TMEM184B: variants seen among roughly 807,000 people sequenced by gnomAD.
TMEM184B encodes the protein putative MAPK-activating protein FM08.
A neutral mutation model predicts 41.8 loss-of-function variants in TMEM184B; 17 were observed. The observed-to-expected ratio is 0.41, with a 90% CI of 0.28 to 0.61. The LOEUF (loss-of-function observed/expected upper bound fraction) is 0.61, where lower values mean the gene tolerates loss of function less well. Ranked by LOEUF, TMEM184B falls within the 20% of genes least tolerant of loss-of-function variation. The pLI, the probability that TMEM184B is intolerant of heterozygous loss-of-function variation, is 0.34. For synonymous variants in TMEM184B, 240 were observed against 229.5 expected, an observed-to-expected ratio of 1.05 and a Z score of -0.41; for missense variants, 393 against 557.8, an observed-to-expected ratio of 0.70 and a Z score of 2.98.
At chr22:38,244,237 T>C (rs1239775350) in intron 3 of TMEM184B, among the ~76,000 whole-genome samples, 1 of 152,050 alleles carries the variant, frequency 6.6e-6, no homozygotes, top group Non-Finnish European at 1.5e-5. Context: ...CTCCAGCTGC[T>C]TGGGGGATGA....
rs1744021754 is a variant in TMEM184B at position 38,221,166 on chromosome 22, G to T, written c.*303C>A. The T allele has an allele frequency of 1.8e-5, 22 of 1,224,744 alleles. No individual in the cohort carries two copies. In the South Asian group the frequency reaches 4.7e-4, roughly 26 times the overall value. The allele number at this position is 1,224,744 out of a possible 1,614,324, so 75.9% of individuals were successfully genotyped here. The stretch of plus-strand genomic sequence containing the variant: ...CACACACAAGCATTGGGGCCTGGGT[G>T]CGGCTGGTCCCAGCATGCCCCCAGC... On this transcript the variant is annotated 3_prime_UTR_variant, in exon 9 of 9. Transcript: ENST00000361906.
chr22:38,231,115 G>A, intron 4 of TMEM184B, 129 bp downstream of exon 4: 1 of 821,246 alleles, frequency 1.2e-6, no homozygotes, highest in Non-Finnish European at 2.1e-6. Context: ...CTCAGGAAAT[G>A]TGGTGAGGCA....
Position 38,220,648 on chromosome 22 carries a change from T to C in TMEM184B, c.*821A>G. On this transcript the variant is annotated 3_prime_UTR_variant, in exon 9 of 9. Transcript: ENST00000361906. ...CCTGGGAAGGAGGGCTGGGAGCCCC[T>C]GAGCCCTGAAGCAGCCAGGAAGCAA... is the stretch of plus-strand genomic sequence containing the variant. The C allele has an allele frequency of 1.0e-6, 1 of 986,234 alleles. No individual in the cohort carries two copies. Among genetic ancestry groups the C allele is most frequent in the South Asian group, 4.7e-5 (1 of 21,294 alleles). The allele number at this position is 986,234 out of a possible 1,614,324, so 61.1% of individuals were successfully genotyped here. A position where few individuals can be genotyped will look rare whatever the true frequency, so the allele number is the denominator to read the frequency against.
chr22:38,271,046 A>T (rs1257240867), intron 1 of TMEM184B, among the ~76,000 whole-genome samples: 1 of 152,190 alleles, frequency 6.6e-6, no homozygotes, highest in Non-Finnish European at 1.5e-5. Flanking sequence ...GGGCTCTTTG[A>T]ATAACCCACC....
At position 38,221,049 on chromosome 22, in the gene TMEM184B, G is replaced by A. The variant is rs1018692565; in HGVS notation, c.*420C>T. The A allele has an allele frequency of 2.1e-5, 22 of 1,036,986 alleles. No homozygotes were observed. In the African/African-American group the frequency reaches 3.6e-4, roughly 17 times the overall value. The allele number at this position is 1,036,986 out of a possible 1,614,324, so 64.2% of individuals were successfully genotyped here. On this transcript the variant is annotated 3_prime_UTR_variant, in exon 9 of 9. Transcript: ENST00000361906. ...GCGGGAAGAGCCCAGGTCAGACAGG[G>A]TATTGCACGGTGTGTGGGGGAGCCA...
chr22:38,266,025 C>T (rs529216376), intron 1 of TMEM184B, among the ~76,000 whole-genome samples: 30 of 152,338 alleles, frequency 2.0e-4, no homozygotes, highest in African/African-American at 7.0e-4. Context: ...CCAAGCTCCA[C>T]ACACGTCCCT....
At chr22:38,257,210 A>T (rs1400570210) in intron 1 of TMEM184B, among the ~76,000 whole-genome samples, 2 of 152,056 alleles carry the variant, frequency 1.3e-5, no homozygotes, top group African/African-American at 2.4e-5. Context: ...AAGCTACGTA[A>T]CAGAATTTTC....
intron 1 of TMEM184B, among the ~76,000 whole-genome samples, chr22:38,262,696 C>A (rs116672222): frequency 0.01 from 1,596 of 152,292 alleles, 34 homozygotes; most frequent in African/African-American, 0.037. Flanking sequence ...CCAGAGAGGG[C>A]TCCATCTCTC....
intron 5 of TMEM184B, among the ~76,000 whole-genome samples, chr22:38,227,903 T>C (rs1364462497): frequency 6.6e-6 from 1 of 152,134 alleles, no homozygotes; most frequent in African/African-American, 2.4e-5. Context: ...ATAACATCAC[T>C]AGTATCACCA....
chr22:38,270,421 C>A (rs2092505242), intron 1 of TMEM184B, among the ~76,000 whole-genome samples: 1 of 152,264 alleles, frequency 6.6e-6, no homozygotes, highest in Non-Finnish European at 1.5e-5. Context: ...CTGTGCCTGG[C>A]ACACAGTAAG....
In TMEM184B at chr22:38,219,585, G is replaced by A. The variant is rs904826864; in HGVS notation, c.*1884C>T. 11 of 984,974 alleles carry A rather than the reference G, an allele frequency of 1.1e-5. No individual in the cohort carries two copies. Among genetic ancestry groups the A allele is most frequent in the East Asian group, 2.3e-4 (2 of 8,816 alleles). The allele number at this position is 984,974 out of a possible 1,614,324, so 61.0% of individuals were successfully genotyped here. A position where few individuals can be genotyped will look rare whatever the true frequency, so the allele number is the denominator to read the frequency against. On this transcript the variant is annotated 3_prime_UTR_variant, in exon 9 of 9. Coordinates refer to ENST00000361906, the MANE Select transcript of TMEM184B (RefSeq NM_012264.5). ...CCTAAGGAGGAGGAGGGGATGGAGC[G>A]GTCGGGCACATGTTCCCGTCCCCAC...
At chr22:38,229,541 G>A (rs1037709410) in intron 5 of TMEM184B, among the ~76,000 whole-genome samples, 2 of 152,226 alleles carry the variant, frequency 1.3e-5, no homozygotes, top group African/African-American at 2.4e-5. Flanking sequence ...CACACTGAGC[G>A]ACCCCACCAC....
downstream of TMEM184B, among the ~76,000 whole-genome samples, chr22:38,217,720 T>G (rs1333141652): frequency 2.7e-5 from 4 of 148,348 alleles, no homozygotes; most frequent in East Asian, 5.9e-4. Context: ...TCCTGGCTAC[T>G]CAGGAGGTTG....
At chr22:38,262,409 G>A (rs536558133) in intron 1 of TMEM184B, among the ~76,000 whole-genome samples, 4 of 152,316 alleles carry the variant, frequency 2.6e-5, no homozygotes, top group East Asian at 3.9e-4. Flanking sequence ...ACCTGGGCAC[G>A]TGGAGACTGC....
intron 1 of TMEM184B, among the ~76,000 whole-genome samples, chr22:38,251,647 A>T (rs1190727767): frequency 6.6e-6 from 1 of 152,180 alleles, no homozygotes; most frequent in East Asian, 1.9e-4. Context: ...TGACCCTTTC[A>T]CACTCTGTAC....
Position 38,220,275 on chromosome 22 carries a change from G to A in TMEM184B, c.*1194C>T. The A allele has an allele frequency of 2.0e-6, 2 of 985,910 alleles. No homozygotes were observed. The highest frequency in any genetic ancestry group is 2.4e-6 in the Non-Finnish European group (2 of 830,014). The allele number at this position is 985,910 out of a possible 1,614,324, so 61.1% of individuals were successfully genotyped here. A position where few individuals can be genotyped will look rare whatever the true frequency, so the allele number is the denominator to read the frequency against. Reference sequence around the variant, plus strand: ...TCCTGAGGCCTGTCCAAGGGCTCTGGGCCCAGCACTGCAGGATCCTGCGAG... The same window carrying A: ...TCCTGAGGCCTGTCCAAGGGCTCTGAGCCCAGCACTGCAGGATCCTGCGAG... On this transcript the variant is annotated 3_prime_UTR_variant, in exon 9 of 9. Coordinates refer to ENST00000361906, the MANE Select transcript of TMEM184B (RefSeq NM_012264.5).
intron 3 of TMEM184B, among the ~76,000 whole-genome samples, chr22:38,232,817 C>T (rs1055633709): frequency 2.6e-5 from 4 of 152,222 alleles, no homozygotes; most frequent in Admixed American, 6.5e-5. Flanking sequence ...GTTCTCTTAT[C>T]CTTCGGTGCT....
At chr22:38,238,788 G>T (rs902845648) in intron 3 of TMEM184B, among the ~76,000 whole-genome samples, 3 of 152,194 alleles carry the variant, frequency 2.0e-5, no homozygotes, top group African/African-American at 7.2e-5. Context: ...CAGAGCCCTA[G>T]GATTCAGAGA....
chr22:38,243,793 A>G (rs1226640133), intron 3 of TMEM184B, among the ~76,000 whole-genome samples: 1 of 152,182 alleles, frequency 6.6e-6, no homozygotes, highest in African/African-American at 2.4e-5. Context: ...TATTCATCCA[A>G]AAGGGAGGAA....
Sources: allele counts gnomAD v4.1 joint callset (sites outside exome capture counted in the v4.1 genomes callset), GRCh38; gene constraint gnomAD v4.1.1; transcripts MANE v1.5; gene names NCBI Gene and HGNC (gene_info 2026-07-23, HGNC 2026-07-21).